Variants in FRMD4A observed in about 807,000 individuals in gnomAD.
FRMD4A encodes FERM domain containing 4A, also known as FERM domain-containing protein 4A.
Under a neutral mutation model 129.1 loss-of-function variants are expected in FRMD4A, and 29 were observed. That is an observed-to-expected ratio of 0.22 (90% CI 0.17 to 0.31). FRMD4A has a LOEUF of 0.31. FRMD4A is among the 10% of genes least tolerant of loss of function. FRMD4A has a pLI of 1.00. For missense variants in FRMD4A, 1,272 were observed against 1,375.8 expected (o/e 0.92, Z 1.19); for synonymous variants, 634 against 571.6 (o/e 1.11, Z -1.56).
At chr10:14,250,441 C>T (rs1002096717) in intron 2 of FRMD4A, among the ~76,000 whole-genome samples, 2 of 152,142 alleles carry the variant, frequency 1.3e-5, no homozygotes, top group Admixed American at 1.3e-4. Context: ...AAAGGTGTTG[C>T]CCTATAAAAG....
In FRMD4A at chr10:13,783,728, C is replaced by G. The variant is rs180778783; in HGVS notation, c.300-722G>C. Among the ~76,000 whole-genome samples the G allele has an allele frequency of 6.0e-4, 92 of 152,270 alleles. No individual in the cohort carries two copies. The Middle Eastern group carries it at 0.01, about 17-fold the overall frequency. ...ACAGCTTTCTTTGAAATGGTTACTA[C>G]TACTCCCGAAGGTGGTGAAGTGTGA... On this transcript the variant is annotated intron_variant, in intron 5 of 24. Coordinates refer to ENST00000357447, the MANE Select transcript of FRMD4A (RefSeq NM_018027.5).
intron 2 of FRMD4A, among the ~76,000 whole-genome samples, chr10:13,991,175 G>C (rs2095601906): frequency 6.6e-6 from 1 of 152,172 alleles, no homozygotes; most frequent in Non-Finnish European, 1.5e-5. Context: ...GTATCTGATA[G>C]CATTCAGCTG....
chr10:13,991,084 G>C (rs2095601663), intron 2 of FRMD4A, among the ~76,000 whole-genome samples: 1 of 152,178 alleles, frequency 6.6e-6, no homozygotes, highest in African/African-American at 2.4e-5. Context: ...CTAAAACACT[G>C]TGCTTGGCGT....
At chr10:13,943,103 A>G (rs931650953) in intron 2 of FRMD4A, among the ~76,000 whole-genome samples, 3 of 152,216 alleles carry the variant, frequency 2.0e-5, no homozygotes, top group Admixed American at 1.3e-4. Flanking sequence ...TTCATATCAC[A>G]CATTACAATT....
chr10:13,682,273 A>C (rs536485959), intron 15 of FRMD4A, among the ~76,000 whole-genome samples: 1 of 152,018 alleles, frequency 6.6e-6, no homozygotes, highest in Non-Finnish European at 1.5e-5. Context: ...TCTGCACCCC[A>C]ATTCAGAGAG....
At chr10:14,034,060 T>C (rs1312386067) in intron 2 of FRMD4A, among the ~76,000 whole-genome samples, 2 of 152,194 alleles carry the variant, frequency 1.3e-5, no homozygotes, top group African/African-American at 4.8e-5. Flanking sequence ...GGGTCCACTA[T>C]GTTGTTGAGA....
At chr10:13,759,645 A>G (rs1405937849) in intron 8 of FRMD4A, among the ~76,000 whole-genome samples, 1 of 152,172 alleles carries the variant, frequency 6.6e-6, no homozygotes, top group African/African-American at 2.4e-5. Context: ...ACTTATCAAA[A>G]CCCCAAATTC....
At chr10:14,236,147 T>G (rs1184795784) in intron 2 of FRMD4A, among the ~76,000 whole-genome samples, 1 of 152,224 alleles carries the variant, frequency 6.6e-6, no homozygotes, top group African/African-American at 2.4e-5. Context: ...TGCCTTCAAC[T>G]TGATGGCAAA....
chr10:14,284,630 G>A (rs1480140785), intron 2 of FRMD4A, among the ~76,000 whole-genome samples: 1 of 152,204 alleles, frequency 6.6e-6, no homozygotes, highest in Non-Finnish European at 1.5e-5. Context: ...TCCAGCCTGG[G>A]CGACAGAGGG....
At chr10:14,171,356 A>G (rs1163524760) in intron 2 of FRMD4A, among the ~76,000 whole-genome samples, 1 of 152,172 alleles carries the variant, frequency 6.6e-6, no homozygotes, top group Non-Finnish European at 1.5e-5. Context: ...AGATTGCATT[A>G]TATATAAAAG....
intron 3 of FRMD4A, among the ~76,000 whole-genome samples, chr10:13,853,039 A>C (rs1259027467): frequency 6.6e-6 from 1 of 152,302 alleles, no homozygotes; most frequent in Middle Eastern, 3.4e-3. Flanking sequence ...ATTTGCACAC[A>C]GTGGACAGTT....
intron 6 of FRMD4A, 24 bp from the exon 7 acceptor site, chr10:13,762,704 A>G (rs746597043): frequency 1.3e-6 from 2 of 1,551,654 alleles, no homozygotes; most frequent in Admixed American, 1.7e-5. Flanking sequence ...GCAACAAACG[A>G]AGACAAGTTT....
chr10:14,152,345 G>C (rs561318665), intron 2 of FRMD4A, among the ~76,000 whole-genome samples: 3 of 151,870 alleles, frequency 2.0e-5, no homozygotes, highest in Non-Finnish European at 4.4e-5. Context: ...AGCCAGAATG[G>C]TCTCGATCTC....
At chr10:13,721,186 C>T (rs1281211148) in intron 12 of FRMD4A, among the ~76,000 whole-genome samples, 1 of 152,074 alleles carries the variant, frequency 6.6e-6, no homozygotes, top group African/African-American at 2.4e-5. Flanking sequence ...TTGATTAAAA[C>T]TCAATGAAAC....
At chr10:13,754,660 C>G (rs1319346800) in intron 8 of FRMD4A, among the ~76,000 whole-genome samples, 1 of 151,772 alleles carries the variant, frequency 6.6e-6, no homozygotes, top group East Asian at 1.9e-4. Context: ...CCCACAAAAA[C>G]TCTTCTTTGG....
chr10:13,853,570 A>G (rs570495800), intron 3 of FRMD4A, among the ~76,000 whole-genome samples: 76 of 151,982 alleles, frequency 5.0e-4, no homozygotes, highest in Middle Eastern at 3.4e-3. Flanking sequence ...GGTGGTTCAC[A>G]CCTGTAATCC....
intron 2 of FRMD4A, among the ~76,000 whole-genome samples, chr10:14,086,964 T>C (rs1374751103): frequency 6.6e-6 from 1 of 152,120 alleles, no homozygotes; most frequent in East Asian, 1.9e-4. Flanking sequence ...TGGTGCCTTA[T>C]GCTAGTGGTA....
chr10:14,162,641 G>GTTTTTTTTTTTTTTTTTT (rs71388160), intron 2 of FRMD4A, among the ~76,000 whole-genome samples: 9 of 118,386 alleles, frequency 7.6e-5, no homozygotes, highest in African/African-American at 1.7e-4. Context: ...TTTTTTTTTT[G>GTTTTTTTTTTTTTTTTTT]TTTTTTTTTT....
chr10:14,245,199 G>GC (rs1844188823), intron 2 of FRMD4A, among the ~76,000 whole-genome samples: 1 of 152,194 alleles, frequency 6.6e-6, no homozygotes, highest in Admixed American at 6.5e-5. Context: ...GGCTGCTTGG[G>GC]CTGGGATCAG....
Sources: allele counts gnomAD v4.1 joint callset (sites outside exome capture counted in the v4.1 genomes callset), GRCh38; gene constraint gnomAD v4.1.1; transcripts MANE v1.5; gene names NCBI Gene and HGNC (gene_info 2026-07-23, HGNC 2026-07-21).